MED17: variants seen among roughly 807,000 people sequenced by gnomAD.
MED17 encodes mediator complex subunit 17.
A neutral mutation model predicts 80.8 loss-of-function variants in MED17; 49 were observed. The observed-to-expected ratio is 0.61, with a 90% CI of 0.48 to 0.77. The LOEUF (loss-of-function observed/expected upper bound fraction) is 0.77. Ranked by LOEUF, MED17 falls within the 30% of genes least tolerant of loss-of-function variation. MED17 has a pLI of 0.00. For synonymous variants in MED17, 281 were observed against 280.4 expected (o/e 1.00, Z -0.02); for missense variants, 718 against 787.0 (o/e 0.91, Z 1.05).
At chr11:93,808,045 C>T (rs139112427) in intron 10 of MED17, 26 of 256,254 alleles carry the variant, frequency 1.0e-4, no homozygotes, top group Non-Finnish European at 1.8e-4. Context: ...AGTTTAATCT[C>T]AAGTCCAAGG....
chr11:93,810,145 C>T, intron 11 of MED17: 2 of 434,602 alleles, frequency 4.6e-6, no homozygotes, highest in South Asian at 4.4e-5. Flanking sequence ...CTCCTGCAGT[C>T]CCAAAGTTTA....
At position 93,801,892 on chromosome 11, in the gene MED17, T is replaced by C; in HGVS notation, c.1386T>C (p.Ala462=). 6.2e-7 allele frequency: 1 copy of C among 1,613,528 alleles called. No homozygotes were observed. Among genetic ancestry groups the C allele is most frequent in the Non-Finnish European group, 8.5e-7 (1 of 1,179,720 alleles). Residue 462 remains alanine (A), a synonymous_variant, in exon 9 of 12, where the codon GCT becomes GCC. Coordinates refer to ENST00000251871, the MANE Select transcript of MED17 (RefSeq NM_004268.5). ...ASRIEDPQIQ[A]HWSNINDVYE... ...GAATTGAGGATCCTCAGATACAGGC[T>C]CATTGGTCAAATATCAATGATGTTT...
intron 2 of MED17, chr11:93,789,046 G>A (rs1943803958): frequency 6.6e-6 from 1 of 152,156 alleles, no homozygotes; most frequent in African/African-American, 2.4e-5. Flanking sequence ...AGAAGTAGCA[G>A]GAAGATGAGT....
intron 8 of MED17, 173 bp from the exon 9 acceptor site, chr11:93,801,662 A>G (rs545021819): frequency 1.7e-6 from 1 of 603,420 alleles, no homozygotes; most frequent in Admixed American, 2.9e-5. Context: ...ACATTCAAGC[A>G]GTATGAAAGG....
At chr11:93,794,871 G>T (rs374004657) in intron 5 of MED17, 37 bp from the exon 6 acceptor site, 2 of 1,603,242 alleles carry the variant, frequency 1.2e-6, no homozygotes, top group African/African-American at 1.3e-5. Context: ...TGCATAATAT[G>T]GTTAGATAAT....
At chr11:93,805,788 A>G (rs1432700694) in intron 9 of MED17, among the ~76,000 whole-genome samples, 1 of 152,102 alleles carries the variant, frequency 6.6e-6, no homozygotes, top group Non-Finnish European at 1.5e-5. Flanking sequence ...AAAACAATGT[A>G]AACTTTAGTA....
rs746469822 is a variant in MED17 at position 93,784,654 on chromosome 11, A to G, written c.141A>G (p.Ile47Met). The G allele has an allele frequency of 6.4e-6, 10 of 1,569,384 alleles. No individual in the cohort carries two copies. Among genetic ancestry groups the G allele is most frequent in the South Asian group, 1.2e-5 (1 of 85,782 alleles). ...ATCTGGCGCGTCTGGCCCAGCGGAT[A>G]GACTTCAGCCAGGGTTCGGGCTCCG... ...SQNLARLAQR[I>M]DFSQGSGSEE... The change falls in exon 1 of 12, where the codon ATA (isoleucine) becomes ATG (methionine). Residue 47 changes from isoleucine to methionine, a missense_variant. Physicochemically the swap from Ile to Met is conservative, Grantham distance 10. Transcript: ENST00000251871.
rs138934738 is a variant in MED17 at position 93,811,860 on chromosome 11, T to C, written c.1752T>C (p.Asn584=). 136 of 1,614,136 alleles carry C rather than the reference T, an allele frequency of 8.4e-5. No individual in the cohort carries two copies. The highest frequency in any genetic ancestry group is 1.0e-4 in the Non-Finnish European group (122 of 1,180,002). Reference sequence around the variant, plus strand: ...TTTGGTTTTTCTCCACAGTTCGTAATGGACCTGAAAGTGGCAGCAAGATTA... The same window carrying C: ...TTTGGTTTTTCTCCACAGTTCGTAACGGACCTGAAAGTGGCAGCAAGATTA... ...PSGDYAISVR[N]GPESGSKIMV... is the part of the protein sequence containing the mutation. Residue 584 remains asparagine (N), a synonymous_variant, in exon 12 of 12, where the codon AAT becomes AAC. Coordinates refer to ENST00000251871, the MANE Select transcript of MED17 (RefSeq NM_004268.5).
chr11:93,800,458 G>A (rs539348536), intron 8 of MED17, among the ~76,000 whole-genome samples: 3 of 152,012 alleles, frequency 2.0e-5, no homozygotes, highest in East Asian at 1.9e-4. Flanking sequence ...GCGAAACCTC[G>A]TTTCTACTAA....
In MED17 at chr11:93,791,191, C is replaced by T. The variant is rs550067878; in HGVS notation, c.637+398C>T. 5.3e-4 allele frequency among the ~76,000 whole-genome samples: 80 copies of T among 152,302 alleles called. 1 individual carries two copies. The highest frequency in any genetic ancestry group is 1.9e-3 in the African/African-American group (78 of 41,564). ...TGTATTATTTCTCAGCTATGTGTTA[C>T]GTTTCAAAATTTTAATTTCTGTTCA... is the stretch of plus-strand genomic sequence containing the variant. On this transcript the variant is annotated intron_variant, in intron 3 of 11. Transcript: ENST00000251871.
intron 11 of MED17, 76 bp downstream of exon 11, chr11:93,809,952 G>T (rs958510717): frequency 5.7e-6 from 8 of 1,414,360 alleles, no homozygotes; most frequent in Non-Finnish European, 8.0e-6. Flanking sequence ...AATTAAATAT[G>T]GGTAAGAGTA....
At chr11:93,798,102 T>A (rs1241321505) in intron 8 of MED17, among the ~76,000 whole-genome samples, 1 of 152,210 alleles carries the variant, frequency 6.6e-6, no homozygotes, top group African/African-American at 2.4e-5. Flanking sequence ...GCACTTTCCT[T>A]ATGTTAACTT....
At chr11:93,796,581 G>T (rs772725868) in intron 7 of MED17, 41 bp downstream of exon 7, 2 of 1,609,580 alleles carry the variant, frequency 1.2e-6, no homozygotes, top group Non-Finnish European at 1.7e-6. Flanking sequence ...TGGTGAGTAT[G>T]TCCAGGGCAG....
chr11:93,793,849 G>T lies in MED17; in HGVS notation c.759G>T (p.Gly253=), dbSNP rs1222527307. The T allele has an allele frequency of 2.5e-6, 4 of 1,613,392 alleles. No homozygotes were observed. Among genetic ancestry groups the T allele is most frequent in the Non-Finnish European group, 3.4e-6 (4 of 1,179,452 alleles). The change falls in exon 4 of 12, where the codon GGG becomes GGT. Residue 253 remains glycine, a synonymous_variant. Coordinates refer to ENST00000251871, the MANE Select transcript of MED17 (RefSeq NM_004268.5). ...LDVQIPSDLE[G]SAYIKVSIQK... ...TCCAAATTCCTAGTGATTTAGAGGG[G>T]TCTGCATATATCAAGGTATTTGTCA...
Position 93,813,054 on chromosome 11 carries a change from A to G in MED17, c.*990A>G, listed in dbSNP as rs1944100099. Reference sequence around the variant, plus strand: ...CTGCTTTTTCAAAGCGAAAAAACTAATGGATTAGTGGGTTATCTTTTCCAA... The same window carrying G: ...CTGCTTTTTCAAAGCGAAAAAACTAGTGGATTAGTGGGTTATCTTTTCCAA... On this transcript the variant is annotated 3_prime_UTR_variant, in exon 12 of 12. Coordinates refer to ENST00000251871, the MANE Select transcript of MED17 (RefSeq NM_004268.5). 6.6e-6 allele frequency: 1 copy of G among 152,202 alleles called. No individual in the cohort carries two copies. The highest frequency in any genetic ancestry group is 1.5e-5 in the Non-Finnish European group (1 of 68,038). The allele number at this position is 152,202 out of a possible 1,614,324, so 9.4% of individuals were successfully genotyped here.
chr11:93,795,277 A>G (rs1183686432), intron 6 of MED17: 1 of 617,930 alleles, frequency 1.6e-6, no homozygotes, highest in Non-Finnish European at 2.8e-6. Context: ...GCTACATATT[A>G]AAAATTTGCA....
intron 1 of MED17, among the ~76,000 whole-genome samples, chr11:93,785,658 G>T (rs777173075): frequency 6.6e-6 from 1 of 152,182 alleles, no homozygotes; most frequent in Non-Finnish European, 1.5e-5. Context: ...AGTGTTAGAA[G>T]AAATAATGAA....
At chr11:93,795,937 T>C (rs1277653624) in intron 6 of MED17, 1 of 171,146 alleles carries the variant, frequency 5.8e-6, no homozygotes. Flanking sequence ...TAGCTTATTA[T>C]ATTCATGAAT....
At position 93,793,835 on chromosome 11, in the gene MED17, A is replaced by G. The variant is rs1336480651; in HGVS notation, c.745A>G (p.Ser249Gly). ...CTGTCCTCTTGATGTCCAAATTCCT[A>G]GTGATTTAGAGGGGTCTGCATATAT... ...DYCPLDVQIP[S>G]DLEGSAYIKV... The change falls in exon 4 of 12, where the codon AGT becomes GGT. Residue 249 changes from serine (S) to glycine (G), a missense_variant. Physicochemically the swap from Ser to Gly is moderately conservative, Grantham distance 56 (BLOSUM62 0). Transcript: ENST00000251871. 10 of 1,613,072 alleles carry G rather than the reference A, an allele frequency of 6.2e-6. No individual in the cohort carries two copies. The highest frequency in any genetic ancestry group is 1.3e-5 in the African/African-American group (1 of 74,888).
Sources: gnomAD v4.1 joint callset for allele counts (sites outside exome capture counted in the v4.1 genomes callset) on GRCh38, gnomAD v4.1.1 for gene constraint, MANE v1.5 for transcripts, NCBI Gene and HGNC (gene_info 2026-07-23, HGNC 2026-07-21) for gene names.